METTL22: variants seen among roughly 807,000 people sequenced by gnomAD.
METTL22 encodes methyltransferase-like protein 22.
A neutral mutation model predicts 48.4 loss-of-function variants in METTL22; 51 were observed. That is an observed-to-expected ratio of 1.05 (90% CI 0.84 to 1.33). The LOEUF is 1.33. Among genes scored for constraint, METTL22 ranks in the 40% most tolerant of loss-of-function variants. The probability of loss-of-function intolerance (pLI) is 0.00; values close to 1 mark genes in which losing one functional copy is unlikely to be tolerated. For synonymous variants in METTL22, 255 were observed against 214.1 expected, an observed-to-expected ratio of 1.19 and a Z score of -1.67; for missense variants, 678 against 526.9, an observed-to-expected ratio of 1.29 and a Z score of -2.81.
At position 8,635,077 on chromosome 16, in the gene METTL22, C is replaced by T. The variant is rs752640526; in HGVS notation, c.553C>T (p.Gln185Ter). The change falls in exon 4 of 11, where the codon CAG (glutamine) becomes TAG (stop). Residue 185 changes from glutamine to a stop codon, truncating the protein, a stop_gained and splice_region_variant. Transcript: ENST00000381920. LOFTEE classifies it high-confidence loss of function. ...CACGCCCCTGGAGGATGTTGGCAAG[C>T]AGGTGGGTAGGTCTTGTCCGCTTCC... The part of the protein sequence containing the change: ...MATPLEDVGK[Q>*]VWRGALLLAD... 6.8e-6 allele frequency: 11 copies of T among 1,613,844 alleles called. No homozygotes were observed. The highest frequency in any genetic ancestry group is 4.5e-5 in the East Asian group (2 of 44,898).
chr16:8,628,798 A>C lies in METTL22; in HGVS notation c.202A>C (p.Ser68Arg), dbSNP rs2056151093. The C allele has an allele frequency of 2.5e-6, 4 of 1,614,216 alleles. No individual in the cohort carries two copies. The highest frequency in any genetic ancestry group is 3.4e-6 in the Non-Finnish European group (4 of 1,180,042). ...SWTDSGAKGGSHRDVHTKEPP... is the reference protein window; with the variant it reads ...SWTDSGAKGGRHRDVHTKEPP... Reference sequence around the variant, plus strand: ...GACAGATTCAGGAGCCAAGGGTGGCAGTCACAGAGATGTTCACACAAAGGA... The same window carrying C: ...GACAGATTCAGGAGCCAAGGGTGGCCGTCACAGAGATGTTCACACAAAGGA... The change falls in exon 3 of 11, where the codon AGT becomes CGT. Residue 68 changes from serine to arginine, a missense_variant. By Grantham distance (110) the Ser-to-Arg change is moderately radical (BLOSUM62 -1). Coordinates refer to ENST00000381920, the MANE Select transcript of METTL22 (RefSeq NM_024109.4).
At chr16:8,666,687 C>G in the METTL22 span, 842 of 152,232 alleles carry the variant, frequency 5.5e-3, 12 homozygotes, top group African/African-American at 0.02. Flanking sequence ...ATCGTCACAG[C>G]CAGAATATGA....
chr16:8,651,969 C>CATAT, downstream of METTL22, among the ~76,000 whole-genome samples: 1 of 152,264 alleles, frequency 6.6e-6, no homozygotes, highest in Admixed American at 6.5e-5. Flanking sequence ...CCATGGCACA[C>CATAT]ATATACCTAT....
intron 2 of METTL22, among the ~76,000 whole-genome samples, chr16:8,626,971 G>A (rs2056083609): frequency 1.3e-5 from 2 of 151,822 alleles, no homozygotes; most frequent in African/African-American, 4.8e-5. Context: ...GTTTCACCGT[G>A]TTAACCAGAA....
chr16:8,637,981 T>TA (rs1471558664), intron 5 of METTL22, among the ~76,000 whole-genome samples: 2 of 14,100 alleles, frequency 1.4e-4, no homozygotes, highest in Non-Finnish European at 3.2e-4. Flanking sequence ...GTACTAAAAA[T>TA]ACAAAAAAAA....
intron 9 of METTL22, among the ~76,000 whole-genome samples, chr16:8,643,163 A>G (rs2056677819): frequency 6.6e-6 from 1 of 152,212 alleles, no homozygotes; most frequent in African/African-American, 2.4e-5. Flanking sequence ...TGTAAAACGA[A>G]ACAGACTTCT....
At chr16:8,639,697 G>T in intron 6 of METTL22, 1 of 166,370 alleles carries the variant, frequency 6.0e-6, no homozygotes. Context: ...CTGCGCAGAT[G>T]GGCCTCCGCC....
At chr16:8,643,874 A>C (rs111534589) in intron 9 of METTL22, among the ~76,000 whole-genome samples, 12,746 of 152,170 alleles carry the variant, frequency 0.084, 656 homozygotes, top group Middle Eastern at 0.21. Context: ...TCGGCCTCCC[A>C]CAGTACTGAG....
At chr16:8,656,372 G>C in the METTL22 span, among the ~76,000 whole-genome samples, 1 of 152,156 alleles carries the variant, frequency 6.6e-6, no homozygotes, top group African/African-American at 2.4e-5. Flanking sequence ...TTTGTACCCT[G>C]AGGGCCTTTT....
At position 8,639,399 on chromosome 16, in the gene METTL22, C is replaced by T. The variant is rs1596356366; in HGVS notation, c.772+237C>T. The T allele has an allele frequency of 1.6e-5, 9 of 575,724 alleles. 1 individual carries two copies. The highest frequency in any genetic ancestry group is 5.8e-5 in the East Asian group (2 of 34,602). The allele number at this position is 575,724 out of a possible 1,614,324, so 35.7% of individuals were successfully genotyped here. On this transcript the variant is annotated intron_variant, in intron 6 of 10. Coordinates refer to ENST00000381920, the MANE Select transcript of METTL22 (RefSeq NM_024109.4). Reference sequence around the variant, plus strand: ...CATCCTACTCCAGCTCTTTCTCTCCCGGACACTGGCGGCGGCCCCTGAGCT... The same window carrying T: ...CATCCTACTCCAGCTCTTTCTCTCCTGGACACTGGCGGCGGCCCCTGAGCT...
chr16:8,651,398 A>AAAAAAAAAAC (rs1232161893), downstream of METTL22, among the ~76,000 whole-genome samples: 1 of 150,130 alleles, frequency 6.7e-6, no homozygotes, highest in South Asian at 2.1e-4. Flanking sequence ...AAAAAAAAAA[A>AAAAAAAAAAC]AAAAACATAC....
downstream of METTL22, among the ~76,000 whole-genome samples, chr16:8,653,398 G>A (rs1158381752): frequency 3.3e-5 from 5 of 152,144 alleles, no homozygotes; most frequent in East Asian, 1.9e-4. Context: ...GGACAGCACC[G>A]ATCTCTGTCC....
the METTL22 span, among the ~76,000 whole-genome samples, chr16:8,663,838 TCAGCA>T: frequency 9.9e-3 from 1,514 of 152,286 alleles, 34 homozygotes; most frequent in African/African-American, 0.034. Context: ...TTTCTCAGTC[TCAGCA>T]CTGCCAACGT....
At position 8,642,761 on chromosome 16, in the gene METTL22, G is replaced by T. The variant is rs73493661; in HGVS notation, c.1010+196G>T. Reference sequence around the variant, plus strand: ...CTGCATCCTAGCCCTGTGTGCAGGCGCTGCTGTCCCACTTGACTGATGAAG... The same window carrying T: ...CTGCATCCTAGCCCTGTGTGCAGGCTCTGCTGTCCCACTTGACTGATGAAG... On this transcript the variant is annotated intron_variant, in intron 9 of 10. Coordinates refer to ENST00000381920, the MANE Select transcript of METTL22 (RefSeq NM_024109.4). 778 of 622,432 alleles carry T rather than the reference G, an allele frequency of 1.2e-3. 8 individuals are homozygous for T. The African/African-American group carries it at 0.013, about 10-fold the overall frequency. 38.6% of individuals were successfully genotyped at this position (622,432 alleles called of 1,614,324 possible). A position where few individuals can be genotyped will look rare whatever the true frequency, so the allele number is the denominator to read the frequency against.
chr16:8,664,913 C>T, the METTL22 span, among the ~76,000 whole-genome samples: 1 of 152,138 alleles, frequency 6.6e-6, no homozygotes, highest in Non-Finnish European at 1.5e-5. Flanking sequence ...ATCATCTCAC[C>T]TGCTTGGTTG....
rs557280339 is a variant in METTL22, at chr16:8,625,557, G to A, written c.-109G>A. 308 of 1,047,680 alleles carry A rather than the reference G, an allele frequency of 2.9e-4. 3 individuals are homozygous for A. The highest frequency in any genetic ancestry group is 1.2e-3 in the Middle Eastern group (4 of 3,428). 64.9% of individuals were successfully genotyped at this position (1,047,680 alleles called of 1,614,324 possible). A position where few individuals can be genotyped will look rare whatever the true frequency, so the allele number is the denominator to read the frequency against. ...CTCCCAGGGCGATGCAAAGCTACTCGCTACCAGCTTGGACCTGTCTGCAGT... is the reference window on the plus strand; with the variant it reads ...CTCCCAGGGCGATGCAAAGCTACTCACTACCAGCTTGGACCTGTCTGCAGT... On this transcript the variant is annotated 5_prime_UTR_variant, in exon 2 of 11. Transcript: ENST00000381920.
chr16:8,641,994 T>G, intron 7 of METTL22, 133 bp from the exon 8 acceptor site: 1 of 705,232 alleles, frequency 1.4e-6, no homozygotes, highest in Middle Eastern at 3.4e-4. Context: ...CTGGTCTGCC[T>G]GGTGGTGCCC....
At chr16:8,652,630 C>T (rs1199602820), downstream of METTL22, among the ~76,000 whole-genome samples, 7 of 151,236 alleles carry the variant, frequency 4.6e-5, no homozygotes, top group Admixed American at 2.0e-4. Context: ...CCAGCCTGGG[C>T]AACATAGTGA....
chr16:8,634,581 T>G (rs922357834), intron 3 of METTL22, among the ~76,000 whole-genome samples: 1 of 152,222 alleles, frequency 6.6e-6, no homozygotes, highest in Non-Finnish European at 1.5e-5. Flanking sequence ...AATGTAGATT[T>G]CTAAGTATGA....
Sources: allele counts gnomAD v4.1 joint callset (sites outside exome capture counted in the v4.1 genomes callset), GRCh38; gene constraint gnomAD v4.1.1; transcripts MANE v1.5; gene names NCBI Gene and HGNC (gene_info 2026-07-23, HGNC 2026-07-21).